The following LSAMP variants were observed in gnomAD, a reference collection of about 807,000 sequenced individuals.
LSAMP encodes limbic system associated membrane protein.
Under a neutral mutation model 38.6 loss-of-function variants are expected in LSAMP, and 7 were observed. The observed-to-expected ratio is 0.18, with a 90% CI of 0.10 to 0.34. The LOEUF (loss-of-function observed/expected upper bound fraction) is 0.34. LSAMP is among the 10% of genes least tolerant of loss of function. The pLI is 1.00. For missense variants in LSAMP, 313 were observed against 420.0 expected (o/e 0.75, Z 2.23); for synonymous variants, 154 against 166.8 (o/e 0.92, Z 0.59).
chr3:116,166,764 C>T (rs1710059663), intron 1 of LSAMP, among the ~76,000 whole-genome samples: 2 of 148,848 alleles, frequency 1.3e-5, no homozygotes, highest in African/African-American at 4.9e-5. Context: ...ACTTTTAAAT[C>T]TAAAATTTTT....
At chr3:116,369,681 A>G (rs572952969) in intron 1 of LSAMP, 2 of 152,360 alleles carry the variant, frequency 1.3e-5, no homozygotes, top group South Asian at 4.1e-4. Flanking sequence ...AAATCCATAC[A>G]TTAACATCTC....
chr3:115,970,118 C>T (rs185379626), intron 3 of LSAMP, among the ~76,000 whole-genome samples: 1 of 152,066 alleles, frequency 6.6e-6, no homozygotes, highest in Non-Finnish European at 1.5e-5. Flanking sequence ...CAAATTAAAA[C>T]CAGGGAAATA....
Position 116,075,757 on chromosome 3 carries a change from T to C in LSAMP, c.388+10567A>G, listed in dbSNP as rs182906287. 2.8e-4 allele frequency among the ~76,000 whole-genome samples: 42 copies of C among 152,064 alleles called. No homozygotes were observed. The East Asian group carries it at 8.2e-3, about 30-fold the overall frequency. ...GGTTTCACCATGTTGGCCAGGCTGGTCTCGAACTCCTGACCTCAGGTGATC... is the reference window on the plus strand; with the variant it reads ...GGTTTCACCATGTTGGCCAGGCTGGCCTCGAACTCCTGACCTCAGGTGATC... On this transcript the variant is annotated intron_variant, in intron 2 of 6. Transcript: ENST00000490035.
chr3:116,060,878 A>T (rs566080749), intron 2 of LSAMP, among the ~76,000 whole-genome samples: 1 of 152,230 alleles, frequency 6.6e-6, no homozygotes, highest in African/African-American at 2.4e-5. Context: ...AGAGATACTC[A>T]AATAAAAAAT....
At chr3:116,093,733 T>C (rs1708170701) in intron 1 of LSAMP, among the ~76,000 whole-genome samples, 1 of 152,216 alleles carries the variant, frequency 6.6e-6, no homozygotes, top group Admixed American at 6.5e-5. Flanking sequence ...CATTGACCTT[T>C]ATTATTTTTC....
In LSAMP at chr3:115,993,080, G is replaced by A. The variant is rs113622768; in HGVS notation, c.514+26435C>T. On this transcript the variant is annotated intron_variant, in intron 3 of 6. Coordinates refer to ENST00000490035, the MANE Select transcript of LSAMP (RefSeq NM_002338.5). The stretch of plus-strand genomic sequence containing the variant: ...AAGTAGTTTTTACTCTGTAAGCTAG[G>A]AATACATTTATATTTCTCCTACATA... 4.5e-3 allele frequency among the ~76,000 whole-genome samples: 688 copies of A among 152,178 alleles called. 3 individuals carry two copies. Among genetic ancestry groups the A allele is most frequent in the Non-Finnish European group, 8.2e-3 (558 of 67,988 alleles).
At chr3:116,409,566 A>T (rs751977259) in intron 1 of LSAMP, among the ~76,000 whole-genome samples, 1 of 152,028 alleles carries the variant, frequency 6.6e-6, no homozygotes, top group Non-Finnish European at 1.5e-5. Context: ...GGCGACTGGA[A>T]GGGTGAGCCA....
chr3:116,278,288 C>T (rs1207908525), intron 1 of LSAMP, among the ~76,000 whole-genome samples: 1 of 152,112 alleles, frequency 6.6e-6, no homozygotes, highest in East Asian at 1.9e-4. Context: ...AACATTATTC[C>T]ATTCAATAAT....
At position 115,858,544 on chromosome 3, in the gene LSAMP, G is replaced by A. The variant is rs771076092; in HGVS notation, c.515-5927C>T. 3.3e-5 allele frequency among the ~76,000 whole-genome samples: 5 copies of A among 152,004 alleles called. No individual in the cohort carries two copies. In the South Asian group the frequency reaches 6.2e-4, roughly 19 times the overall value. ...AAGACTTTTATAAGTATAGCATCTC[G>A]GTAGATCAATCTTTCACAGATAGGA... On this transcript the variant is annotated intron_variant, in intron 3 of 6. Transcript: ENST00000490035.
chr3:115,951,744 A>C (rs1938296669), intron 3 of LSAMP, among the ~76,000 whole-genome samples: 1 of 152,106 alleles, frequency 6.6e-6, no homozygotes, highest in Non-Finnish European at 1.5e-5. Context: ...CAGGTTCTTC[A>C]GCTTTGGGAC....
intron 1 of LSAMP, among the ~76,000 whole-genome samples, chr3:116,303,343 A>T (rs1235962071): frequency 1.3e-5 from 2 of 152,242 alleles, no homozygotes; most frequent in Non-Finnish European, 2.9e-5. Context: ...TTCGGATTGT[A>T]AACATTGAAG....
chr3:116,061,374 T>C (rs1474004883), intron 2 of LSAMP, among the ~76,000 whole-genome samples: 1 of 152,162 alleles, frequency 6.6e-6, no homozygotes, highest in African/African-American at 2.4e-5. Flanking sequence ...TTCTTTCTCC[T>C]TAGGGGGCTG....
At chr3:116,287,305 C>T (rs1261314227) in intron 1 of LSAMP, among the ~76,000 whole-genome samples, 1 of 152,064 alleles carries the variant, frequency 6.6e-6, no homozygotes, top group Admixed American at 6.6e-5. Flanking sequence ...CTGTGATTTT[C>T]CCACCTATAG....
chr3:116,067,751 G>A (rs574377241), intron 2 of LSAMP, among the ~76,000 whole-genome samples: 1 of 152,146 alleles, frequency 6.6e-6, no homozygotes, highest in South Asian at 2.1e-4. Context: ...TTCATCTCTT[G>A]ATGTACACCT....
chr3:115,912,810 T>C (rs1441062770), intron 3 of LSAMP, among the ~76,000 whole-genome samples: 1 of 152,190 alleles, frequency 6.6e-6, no homozygotes, highest in African/African-American at 2.4e-5. Context: ...TCTGTGTCCA[T>C]TGGCATTTTC....
At position 116,046,337 on chromosome 3, in the gene LSAMP, G is replaced by A. The variant is rs1217341059; in HGVS notation, c.389-26697C>T. On this transcript the variant is annotated intron_variant, in intron 2 of 6. Transcript: ENST00000490035. ...AAGCACTGAGGTAGACTGCCTGGAAGTGGAAAATATGGACTAGGGAAGCTG... is the reference window on the plus strand; with the variant it reads ...AAGCACTGAGGTAGACTGCCTGGAAATGGAAAATATGGACTAGGGAAGCTG... 3.3e-5 allele frequency among the ~76,000 whole-genome samples: 5 copies of A among 152,076 alleles called. No homozygotes were observed. The East Asian group carries it at 9.6e-4, about 29-fold the overall frequency.
At chr3:116,209,142 G>C (rs184283067) in intron 1 of LSAMP, among the ~76,000 whole-genome samples, 4 of 152,178 alleles carry the variant, frequency 2.6e-5, no homozygotes, top group South Asian at 2.1e-4. Context: ...CGCAGTATTC[G>C]GGTGGGAGTG....
chr3:116,209,805 G>T (rs964921652), intron 1 of LSAMP, among the ~76,000 whole-genome samples: 1 of 151,934 alleles, frequency 6.6e-6, no homozygotes, highest in African/African-American at 2.4e-5. Flanking sequence ...AGGCTGGAGC[G>T]CAGTGGCACG....
intron 1 of LSAMP, among the ~76,000 whole-genome samples, chr3:116,296,294 T>C (rs1447437094): frequency 1.3e-5 from 2 of 152,064 alleles, no homozygotes; most frequent in East Asian, 3.9e-4. Context: ...CAACCCCCAC[T>C]GAAAGGGATT....
Sources: allele counts gnomAD v4.1 joint callset (sites outside exome capture counted in the v4.1 genomes callset), GRCh38; gene constraint gnomAD v4.1.1; transcripts MANE v1.5; gene names NCBI Gene and HGNC (gene_info 2026-07-23, HGNC 2026-07-21).